Variants in SLC24A2 observed in about 807,000 individuals in gnomAD.
The protein encoded by SLC24A2 is sodium/potassium/calcium exchanger 2.
SLC24A2 carries 36 observed loss-of-function variants against 62.0 expected under a neutral mutation model. The ratio of observed to expected loss-of-function variants is 0.58; its 90% confidence interval spans 0.44 to 0.77. The LOEUF is 0.77. SLC24A2 is among the 30% of genes least tolerant of loss of function. SLC24A2 has a pLI of 0.00. For missense variants in SLC24A2, 846 were observed against 817.9 expected (o/e 1.03, Z -0.42); for synonymous variants, 358 against 294.0 (o/e 1.22, Z -2.23).
At chr9:20,023,101 T>C in the SLC24A2 span, among the ~76,000 whole-genome samples, 9 of 152,306 alleles carry the variant, frequency 5.9e-5, no homozygotes, top group East Asian at 1.9e-4. Flanking sequence ...TCTGAAAAAT[T>C]GGTCCACTCA....
At chr9:20,266,558 A>T in the SLC24A2 span, among the ~76,000 whole-genome samples, 4 of 151,960 alleles carry the variant, frequency 2.6e-5, no homozygotes, top group Non-Finnish European at 4.4e-5. Context: ...TTTTTGGCAC[A>T]TCTGCTAAGC....
chr9:20,164,872 A>G, the SLC24A2 span, among the ~76,000 whole-genome samples: 1 of 151,270 alleles, frequency 6.6e-6, no homozygotes, highest in Admixed American at 6.6e-5. Flanking sequence ...TTCTCAGTAA[A>G]CTATCGCAAG....
At chr9:20,167,465 A>G in the SLC24A2 span, among the ~76,000 whole-genome samples, 1 of 152,014 alleles carries the variant, frequency 6.6e-6, no homozygotes, top group Non-Finnish European at 1.5e-5. Flanking sequence ...AGCAGTTCAA[A>G]TCTGTGATTT....
At chr9:19,644,252 A>G (rs914461987) in intron 2 of SLC24A2, among the ~76,000 whole-genome samples, 8 of 152,174 alleles carry the variant, frequency 5.3e-5, no homozygotes, top group Non-Finnish European at 4.4e-5. Flanking sequence ...GAAGCCAATA[A>G]ATAAAGTTAT....
the SLC24A2 span, among the ~76,000 whole-genome samples, chr9:19,843,562 A>G: frequency 0.7 from 105,819 of 152,052 alleles, 41,190 homozygotes; most frequent in Non-Finnish European, 0.88. Context: ...GTCCATGTGC[A>G]TATTTGTTGT....
chr9:19,866,781 C>T, the SLC24A2 span, among the ~76,000 whole-genome samples: 6 of 151,874 alleles, frequency 4.0e-5, no homozygotes, highest in South Asian at 6.2e-4. Context: ...GGACTACAGG[C>T]GCCCGCCACC....
the SLC24A2 span, among the ~76,000 whole-genome samples, chr9:20,019,135 AAG>A: frequency 2.3e-5 from 3 of 129,336 alleles, no homozygotes; most frequent in African/African-American, 9.8e-5. Context: ...GAAAGAAAGA[AAG>A]AAAGAAAGAA....
At chr9:19,882,701 C>T in the SLC24A2 span, among the ~76,000 whole-genome samples, 1 of 151,334 alleles carries the variant, frequency 6.6e-6, no homozygotes, top group South Asian at 2.1e-4. Context: ...GTTTCCACCA[C>T]CCAGTCATTT....
chr9:19,798,746 T>C, the SLC24A2 span, among the ~76,000 whole-genome samples: 97 of 152,288 alleles, frequency 6.4e-4, no homozygotes, highest in Non-Finnish European at 1.2e-3. Flanking sequence ...AGTATTCTTC[T>C]TATCTTTGAA....
the SLC24A2 span, among the ~76,000 whole-genome samples, chr9:20,181,446 C>A: frequency 2.8e-4 from 43 of 152,162 alleles, no homozygotes; most frequent in African/African-American, 1.0e-3. Context: ...GGATATAGAC[C>A]AATGGAACAG....
chr9:19,930,634 G>T, the SLC24A2 span, among the ~76,000 whole-genome samples: 1 of 152,188 alleles, frequency 6.6e-6, no homozygotes, highest in Non-Finnish European at 1.5e-5. Flanking sequence ...GGAAGCAATG[G>T]ATGCTGTTGG....
At chr9:19,596,757 C>T (rs535958004) in intron 5 of SLC24A2, among the ~76,000 whole-genome samples, 5 of 152,286 alleles carry the variant, frequency 3.3e-5, no homozygotes, top group African/African-American at 1.2e-4. Flanking sequence ...GCCTACAGTC[C>T]TCCACATCAG....
At chr9:19,951,169 G>A in the SLC24A2 span, among the ~76,000 whole-genome samples, 3 of 151,824 alleles carry the variant, frequency 2.0e-5, no homozygotes, top group Non-Finnish European at 4.4e-5. Flanking sequence ...GAACTTTTGG[G>A]GAAGTGTCCA....
chr9:19,850,962 T>TAC, the SLC24A2 span, among the ~76,000 whole-genome samples: 190 of 23,500 alleles, frequency 8.1e-3, 20 homozygotes, highest in African/African-American at 0.022. Context: ...TATATATATA[T>TAC]ATATGTATAT....
chr9:19,533,971 G>T (rs1411542156), intron 8 of SLC24A2, among the ~76,000 whole-genome samples: 1 of 151,018 alleles, frequency 6.6e-6, no homozygotes, highest in Non-Finnish European at 1.5e-5. Context: ...GGACCGTCCT[G>T]GGTAATCTGG....
At chr9:19,764,442 G>A (rs957938511) in intron 2 of SLC24A2, among the ~76,000 whole-genome samples, 2 of 152,206 alleles carry the variant, frequency 1.3e-5, no homozygotes, top group Non-Finnish European at 2.9e-5. Flanking sequence ...GGCATTTAGT[G>A]CTGTGAATTT....
the SLC24A2 span, among the ~76,000 whole-genome samples, chr9:19,827,985 C>T: frequency 6.6e-6 from 1 of 152,172 alleles, no homozygotes. Flanking sequence ...AACTGTCCTC[C>T]TCAGAGGCTT....
the SLC24A2 span, among the ~76,000 whole-genome samples, chr9:19,813,317 C>CTTTTTT: frequency 3.8e-4 from 33 of 86,276 alleles, no homozygotes; most frequent in South Asian, 4.6e-4. Flanking sequence ...TCATCTTCCT[C>CTTTTTT]TTTTTTTTTT....
At chr9:19,546,893 G>C (rs1384787654) in intron 8 of SLC24A2, among the ~76,000 whole-genome samples, 1 of 152,184 alleles carries the variant, frequency 6.6e-6, no homozygotes, top group Non-Finnish European at 1.5e-5. Flanking sequence ...AGAGTGCACT[G>C]TTCCTCATGG....
Sources: allele counts gnomAD v4.1 joint callset (sites outside exome capture counted in the v4.1 genomes callset), GRCh38; gene constraint gnomAD v4.1.1; transcripts MANE v1.5; gene names NCBI Gene and HGNC (gene_info 2026-07-23, HGNC 2026-07-21).